C2orf42: variants seen among roughly 807,000 people sequenced by gnomAD.
The protein encoded by C2orf42 is chromosome 2 open reading frame 42.
Under a neutral mutation model 58.9 loss-of-function variants are expected in C2orf42, and 44 were observed. That is an observed-to-expected ratio of 0.75 (90% CI 0.59 to 0.96). The LOEUF is 0.96. Ranked by LOEUF, C2orf42 falls within the 40% of genes least tolerant of loss-of-function variation. The pLI is 0.00. For missense variants in C2orf42, 630 were observed against 699.2 expected (o/e 0.90, Z 1.12); for synonymous variants, 239 against 265.4 (o/e 0.90, Z 0.97).
At chr2:70,176,491 G>A (rs999227204) in intron 4 of C2orf42, among the ~76,000 whole-genome samples, 1 of 150,178 alleles carries the variant, frequency 6.7e-6, no homozygotes, top group Non-Finnish European at 1.5e-5. Context: ...GCGACAGAGC[G>A]AGACTGTCTC....
At chr2:70,169,051 A>G (rs1388329941) in intron 6 of C2orf42, among the ~76,000 whole-genome samples, 2 of 151,096 alleles carry the variant, frequency 1.3e-5, no homozygotes, top group Admixed American at 6.6e-5. Context: ...TCTTAGTCTC[A>G]TGTGTTTAGA....
rs772058845 is a variant in C2orf42, at chr2:70,169,558, A to G, written c.1143T>C (p.Asp381=). The G allele has an allele frequency of 1.3e-6, 2 of 1,512,976 alleles. No homozygotes were observed. Among genetic ancestry groups the G allele is most frequent in the Non-Finnish European group, 1.8e-6 (2 of 1,087,910 alleles). 93.7% of individuals were successfully genotyped at this position (1,512,976 alleles called of 1,614,324 possible). The change falls in exon 6 of 10, where the codon GAT becomes GAC. Residue 381 remains aspartate, a splice_region_variant and synonymous_variant. Transcript: ENST00000264434. ...CCCAGTTAGATGAACAATACTTACC[A>G]TCAAACTGATAGTGCATGGTTTGAT... The part of the protein sequence containing the change: ...RIHQTMHYQF[D]GKPEPLVFHI...
intron 1 of C2orf42, among the ~76,000 whole-genome samples, chr2:70,187,334 T>C (rs1284981126): frequency 6.6e-6 from 1 of 152,188 alleles, no homozygotes; most frequent in African/African-American, 2.4e-5. Context: ...CACTGCAACC[T>C]CCGCCTCCCG....
chr2:70,166,092 T>G (rs955922144), intron 6 of C2orf42, among the ~76,000 whole-genome samples: 5 of 151,856 alleles, frequency 3.3e-5, no homozygotes, highest in Non-Finnish European at 5.9e-5. Flanking sequence ...GGTTTCACCA[T>G]GTTGGCCAGG....
intron 9 of C2orf42, among the ~76,000 whole-genome samples, chr2:70,154,366 C>T (rs1672510737): frequency 7.3e-6 from 1 of 136,212 alleles, no homozygotes; most frequent in South Asian, 2.3e-4. Context: ...AGTTCAAGAC[C>T]AGCCTGGGCA....
chr2:70,151,220 G>A (rs943531593), intron 9 of C2orf42, among the ~76,000 whole-genome samples: 1 of 152,156 alleles, frequency 6.6e-6, no homozygotes, highest in Non-Finnish European at 1.5e-5. Flanking sequence ...GTGGTGAAAT[G>A]TGCCCATAGT....
chr2:70,166,341 G>T (rs905620901), intron 6 of C2orf42, among the ~76,000 whole-genome samples: 9 of 149,426 alleles, frequency 6.0e-5, no homozygotes, highest in African/African-American at 2.2e-4. Context: ...GCAACAGAGT[G>T]AGACCCTCCC....
chr2:70,159,056 T>C (rs1381729533), intron 9 of C2orf42, among the ~76,000 whole-genome samples: 2 of 146,178 alleles, frequency 1.4e-5, no homozygotes, highest in Non-Finnish European at 3.0e-5. Flanking sequence ...CCCAGCTAAT[T>C]TTTTGTATTT....
rs1055163905 is a variant in C2orf42 at position 70,150,581 on chromosome 2, A to G, written c.1517-17T>C. ...AAGTGTTGCCTAAAGAGAAGAAAGG[A>G]GTATTAGTACAATTCCACCTAACTC... On this transcript the variant is annotated splice_polypyrimidine_tract_variant and intron_variant, in intron 9 of 9. Transcript: ENST00000264434. 8 of 1,592,190 alleles carry G rather than the reference A, an allele frequency of 5.0e-6. No individual in the cohort carries two copies. Among genetic ancestry groups the G allele is most frequent in the Non-Finnish European group, 6.0e-6 (7 of 1,160,088 alleles).
At chr2:70,166,873 C>T (rs1222034041) in intron 6 of C2orf42, among the ~76,000 whole-genome samples, 1 of 152,088 alleles carries the variant, frequency 6.6e-6, no homozygotes, top group Admixed American at 6.6e-5. Flanking sequence ...CTTTTGCTCG[C>T]TATCCCCAGG....
chr2:70,184,822 G>A (rs1674820410), intron 1 of C2orf42, among the ~76,000 whole-genome samples: 1 of 151,930 alleles, frequency 6.6e-6, no homozygotes, highest in South Asian at 2.1e-4. Flanking sequence ...CGGGCGCAGT[G>A]GCTCATGCCT....
At chr2:70,174,626 C>T (rs1490603267) in intron 5 of C2orf42, among the ~76,000 whole-genome samples, 1 of 152,074 alleles carries the variant, frequency 6.6e-6, no homozygotes, top group African/African-American at 2.4e-5. Context: ...ACAAAGACTC[C>T]CTGTGCTACT....
chr2:70,162,244 C>T (rs1673097765), intron 8 of C2orf42, among the ~76,000 whole-genome samples: 1 of 151,936 alleles, frequency 6.6e-6, no homozygotes, highest in South Asian at 2.1e-4. Context: ...CCCCTGACCT[C>T]AGGTGATCTG....
chr2:70,150,666 G>A, intron 9 of C2orf42, 102 bp from the exon 10 acceptor site: 1 of 764,586 alleles, frequency 1.3e-6, no homozygotes, highest in Non-Finnish European at 2.2e-6. Context: ...GTTCAGCTTT[G>A]ATAATCAGAA....
At chr2:70,184,313 G>A (rs1674780539) in intron 1 of C2orf42, among the ~76,000 whole-genome samples, 1 of 151,598 alleles carries the variant, frequency 6.6e-6, no homozygotes, top group African/African-American at 2.4e-5. Context: ...TGCAACCTCC[G>A]CCTCCCGGGC....
intron 8 of C2orf42, among the ~76,000 whole-genome samples, chr2:70,162,377 C>A (rs561097623): frequency 6.6e-6 from 1 of 151,520 alleles, no homozygotes; most frequent in Non-Finnish European, 1.5e-5. Flanking sequence ...GCCTGGCGCA[C>A]TGGCTCACGC....
chr2:70,172,542 G>T (rs969873642), intron 5 of C2orf42, among the ~76,000 whole-genome samples: 6 of 152,108 alleles, frequency 3.9e-5, no homozygotes, highest in African/African-American at 1.2e-4. Context: ...AATCAAGTGT[G>T]GTGGCATGTG....
At chr2:70,152,517 T>G (rs1032802290) in intron 9 of C2orf42, among the ~76,000 whole-genome samples, 14 of 152,140 alleles carry the variant, frequency 9.2e-5, no homozygotes, top group African/African-American at 3.4e-4. Context: ...ACTTTGGCCA[T>G]AGCATATCCC....
Position 70,184,214 on chromosome 2 carries a change from A to AC in C2orf42, c.-281-1280_-281-1279insG, listed in dbSNP as rs34970614. Among the ~76,000 whole-genome samples the AC allele has an allele frequency of 1.7e-4, 6 of 34,880 alleles. No homozygotes were observed. In the African/African-American group the frequency reaches 4.3e-3, roughly 25 times the overall value. 22.9% of individuals were successfully genotyped at this position (34,880 alleles called of 152,430 possible). A position where few individuals can be genotyped will look rare whatever the true frequency, so the allele number is the denominator to read the frequency against. ...TACTTTCCAATTTGTTAATCAGTGGATAGAAGATGTAGAGAGAAAAAAAAA... is the reference window on the plus strand; with the variant it reads ...TACTTTCCAATTTGTTAATCAGTGGACTAGAAGATGTAGAGAGAAAAAAAAA... On this transcript the variant is annotated intron_variant, in intron 1 of 9. Transcript: ENST00000264434.
Sources: allele counts gnomAD v4.1 joint callset (sites outside exome capture counted in the v4.1 genomes callset), GRCh38; gene constraint gnomAD v4.1.1; transcripts MANE v1.5; gene names NCBI Gene and HGNC (gene_info 2026-07-23, HGNC 2026-07-21).